The following SH3KBP1 variants were observed in gnomAD, a reference collection of about 807,000 sequenced individuals.
SH3KBP1 encodes the protein SH3 domain-containing kinase-binding protein 1.
A neutral mutation model predicts 50.1 loss-of-function variants in SH3KBP1; 8 were observed. That is an observed-to-expected ratio of 0.16 (90% CI 0.09 to 0.29). SH3KBP1 has a LOEUF of 0.29. Among genes scored for constraint, SH3KBP1 ranks in the 10% least tolerant of loss-of-function variants. SH3KBP1 has a pLI of 1.00. For synonymous variants in SH3KBP1, 227 were observed against 218.6 expected (o/e 1.04, Z -0.34); for missense variants, 377 against 535.2 (o/e 0.70, Z 2.92).
chrX:19,657,643 G>A (rs1039838957), intron 6 of SH3KBP1, among the ~76,000 whole-genome samples: 5 of 107,940 alleles, frequency 4.6e-5, no homozygotes, highest in African/African-American at 1.7e-4. Flanking sequence ...CAGGAGAATC[G>A]CTTGAACCCG....
rs749361745 is a variant in SH3KBP1, at chrX:19,863,848, A to C, written c.4+23459T>G. ...GCGTCTAAGTTGACTCAACAGTAGA[A>C]TCAATCACAAAGCCTACAAACAAAA... On this transcript the variant is annotated intron_variant, in intron 1 of 17. Coordinates refer to ENST00000397821, the MANE Select transcript of SH3KBP1 (RefSeq NM_031892.3). 1.8e-4 allele frequency among the ~76,000 whole-genome samples: 20 copies of C among 112,380 alleles called. No homozygotes were observed. In the South Asian group the frequency reaches 7.0e-3, roughly 39 times the overall value.
At chrX:19,773,469 T>C (rs1410887883) in intron 2 of SH3KBP1, among the ~76,000 whole-genome samples, 6 of 97,429 alleles carry the variant, frequency 6.2e-5, no homozygotes, top group Middle Eastern at 4.9e-3. Context: ...TCAGTCTCTG[T>C]CTCTCTCTCT....
At chrX:19,621,238 CTAATTT>C (rs1423452325) in intron 8 of SH3KBP1, among the ~76,000 whole-genome samples, 1,646 of 62,870 alleles carry the variant, frequency 0.026, 13 homozygotes, top group Middle Eastern at 0.031. Context: ...CCACACCTGG[CTAATTT>C]TTTTTTTTTT....
intron 8 of SH3KBP1, among the ~76,000 whole-genome samples, chrX:19,630,067 T>C (rs976948963): frequency 8.9e-6 from 1 of 112,321 alleles, no homozygotes; most frequent in African/African-American, 3.2e-5. Flanking sequence ...TTATGATATG[T>C]ATTCAAATGG....
intron 1 of SH3KBP1, among the ~76,000 whole-genome samples, chrX:19,880,141 T>C (rs1470009910): frequency 2.7e-5 from 3 of 112,926 alleles, no homozygotes; most frequent in Non-Finnish European, 5.6e-5. Flanking sequence ...TTTTCTATCT[T>C]AAAATGTGCA....
intron 8 of SH3KBP1, among the ~76,000 whole-genome samples, chrX:19,627,369 G>A (rs1263613598): frequency 1.8e-5 from 2 of 112,285 alleles, no homozygotes; most frequent in Non-Finnish European, 3.8e-5. Context: ...CCTTCTCCAG[G>A]AAGCTTCTCC....
intron 6 of SH3KBP1, among the ~76,000 whole-genome samples, chrX:19,669,986 T>TTA (rs1270604136): frequency 9.1e-6 from 1 of 109,904 alleles, no homozygotes; most frequent in Non-Finnish European, 1.9e-5. Flanking sequence ...AATTCTCCCC[T>TTA]TAAAATTTTT....
At chrX:19,818,355 T>C (rs1312570325) in intron 2 of SH3KBP1, among the ~76,000 whole-genome samples, 1 of 112,447 alleles carries the variant, frequency 8.9e-6, no homozygotes, top group East Asian at 2.8e-4. Flanking sequence ...TACTGGAGAA[T>C]CACGTCATCT....
chrX:19,691,868 A>C (rs1256107155), intron 5 of SH3KBP1, among the ~76,000 whole-genome samples: 1 of 111,624 alleles, frequency 9.0e-6, no homozygotes, highest in Non-Finnish European at 1.9e-5. Flanking sequence ...GAAATTATAT[A>C]ATATCTGGGG....
At chrX:19,876,773 A>G (rs1164243400) in intron 1 of SH3KBP1, among the ~76,000 whole-genome samples, 3 of 111,493 alleles carry the variant, frequency 2.7e-5, no homozygotes, top group African/African-American at 9.8e-5. Context: ...TCCCGTAAAC[A>G]CTTTTTCACC....
At chrX:19,616,154 G>C (rs775267858) in intron 8 of SH3KBP1, among the ~76,000 whole-genome samples, 1 of 110,769 alleles carries the variant, frequency 9.0e-6, no homozygotes, top group Admixed American at 9.6e-5. Context: ...TAGAGTCAGG[G>C]TCTTGCCATG....
chrX:19,604,308 C>G (rs2067178077), intron 9 of SH3KBP1, among the ~76,000 whole-genome samples: 1 of 111,658 alleles, frequency 9.0e-6, no homozygotes, highest in South Asian at 3.8e-4. Context: ...TGAGGAAAAA[C>G]CCCAAAGCAT....
chrX:19,860,502 G>A (rs1042987820), intron 1 of SH3KBP1, among the ~76,000 whole-genome samples: 3 of 111,353 alleles, frequency 2.7e-5, no homozygotes, highest in African/African-American at 9.8e-5. Context: ...TGGGTACAGA[G>A]TTTCTGTTTA....
chrX:19,881,597 G>A (rs756137606), intron 1 of SH3KBP1, among the ~76,000 whole-genome samples: 58 of 111,584 alleles, frequency 5.2e-4, no homozygotes, highest in African/African-American at 1.8e-3. Flanking sequence ...CCAAACTGAC[G>A]AGGTTCCTGC....
chrX:19,837,522 G>A (rs1340443452), intron 1 of SH3KBP1, among the ~76,000 whole-genome samples: 1 of 86,039 alleles, frequency 1.2e-5, no homozygotes, highest in Admixed American at 1.6e-4. Flanking sequence ...AGGCTGGACT[G>A]CAGTGGCGCA....
rs1457818595 is a variant in SH3KBP1, at chrX:19,775,155, C to T, written c.163-28714G>A. On this transcript the variant is annotated intron_variant, in intron 2 of 17. Coordinates refer to ENST00000397821, the MANE Select transcript of SH3KBP1 (RefSeq NM_031892.3). The stretch of plus-strand genomic sequence containing the variant: ...AAACTGACTTGAGGCAAAATCTCTC[C>T]ACAGGTCTTCACGAGTACACAACAA... 2.7e-5 allele frequency among the ~76,000 whole-genome samples: 3 copies of T among 111,447 alleles called. No homozygotes were observed. The Admixed American group carries it at 2.9e-4, about 11-fold the overall frequency.
chrX:19,595,109 C>T (rs1409050313), intron 9 of SH3KBP1, 109 bp from the exon 10 acceptor site: 1 of 571,652 alleles, frequency 1.7e-6, no homozygotes, highest in Non-Finnish European at 3.0e-6. Flanking sequence ...ATTTAGAGAA[C>T]CTCTCCAAAA....
intron 1 of SH3KBP1, among the ~76,000 whole-genome samples, chrX:19,859,929 A>C (rs1395833185): frequency 9.0e-6 from 1 of 111,332 alleles, no homozygotes; most frequent in Non-Finnish European, 1.9e-5. Flanking sequence ...TGCCTGCTCC[A>C]AACTGTCTCT....
intron 8 of SH3KBP1, among the ~76,000 whole-genome samples, chrX:19,627,822 T>C (rs1226664195): frequency 8.9e-6 from 1 of 112,158 alleles, no homozygotes; most frequent in African/African-American, 3.2e-5. Flanking sequence ...CCTTCAATGA[T>C]ACCAAAGTAA....
Sources: gnomAD v4.1 joint callset for allele counts (sites outside exome capture counted in the v4.1 genomes callset) on GRCh38, gnomAD v4.1.1 for gene constraint, MANE v1.5 for transcripts, NCBI Gene and HGNC (gene_info 2026-07-23, HGNC 2026-07-21) for gene names.